The following MYF5 variants were observed in gnomAD, a reference collection of about 807,000 sequenced individuals.
The protein encoded by MYF5 is class C basic helix-loop-helix protein 2.
In MYF5, 20 loss-of-function variants were observed where a neutral mutation model predicts 22.3. The ratio of observed to expected loss-of-function variants is 0.90; its 90% CI spans 0.63 to 1.30. The LOEUF (loss-of-function observed/expected upper bound fraction) is 1.30. MYF5 is among the 50% of genes most tolerant of loss of function. The pLI, the probability that MYF5 is intolerant of heterozygous loss-of-function variation, is 0.00. For synonymous variants in MYF5, 141 were observed against 128.4 expected, an observed-to-expected ratio of 1.10 and a Z score of -0.66; for missense variants, 348 against 325.9, an observed-to-expected ratio of 1.07 and a Z score of -0.52.
chr12:80,717,513 A>C lies in MYF5; in HGVS notation c.450A>C (p.Gly150=). ...TGGAGAACTACTATAGCCTGCCGGGACAGAGCTGCTCGGAGCCCACCAGCC... is the reference window on the plus strand; with the variant it reads ...TGGAGAACTACTATAGCCTGCCGGGCCAGAGCTGCTCGGAGCCCACCAGCC... ...EQVENYYSLP[G]QSCSEPTSPT... The change falls in exon 1 of 3, where the codon GGA becomes GGC. Residue 150 remains glycine, a synonymous_variant. Coordinates refer to ENST00000228644, the MANE Select transcript of MYF5 (RefSeq NM_005593.3). The C allele has an allele frequency of 1.2e-6, 2 of 1,614,068 alleles. No individual in the cohort carries two copies. Among genetic ancestry groups the C allele is most frequent in the Non-Finnish European group, 1.7e-6 (2 of 1,180,018 alleles).
Position 80,719,473 on chromosome 12 carries a change from A to C in MYF5, c.*422A>C, listed in dbSNP as rs936871677. 1 of 151,920 alleles carries C rather than the reference A, an allele frequency of 6.6e-6. No individual in the cohort carries two copies. The highest frequency in any genetic ancestry group is 1.5e-5 in the Non-Finnish European group (1 of 67,962). 9.4% of individuals were successfully genotyped at this position (151,920 alleles called of 1,614,324 possible). A position where few individuals can be genotyped will look rare whatever the true frequency, so the allele number is the denominator to read the frequency against. ...GTTAAATGGAATTTTAAATATATTT[A>C]ACTATTTCTTTTCTCTTTAATCCTT... On this transcript the variant is annotated 3_prime_UTR_variant, in exon 3 of 3. Transcript: ENST00000228644.
In MYF5 at chr12:80,717,106, T is replaced by C. The variant is rs759444857; in HGVS notation, c.43T>C (p.Phe15Leu). The change falls in exon 1 of 3, where the codon TTC (phenylalanine) becomes CTC (leucine). Residue 15 changes from phenylalanine (F) to leucine (L), a missense_variant. Coordinates refer to ENST00000228644, the MANE Select transcript of MYF5 (RefSeq NM_005593.3). ...CTGCCAGTTCTCACCTTCTGAGTAC[T>C]TCTACGACGGCTCCTGCATACCGTC... is the stretch of plus-strand genomic sequence containing the variant. The part of the protein sequence containing the change: ...DGCQFSPSEY[F>L]YDGSCIPSPE... 35 of 1,611,922 alleles carry C rather than the reference T, an allele frequency of 2.2e-5. No individual in the cohort carries two copies. In the South Asian group the frequency reaches 3.7e-4, roughly 17 times the overall value.
In MYF5 at chr12:80,717,188, A is replaced by G; in HGVS notation, c.125A>G (p.His42Arg). The change falls in exon 1 of 3, where the codon CAC becomes CGC. Residue 42 changes from histidine (H) to arginine (R), a missense_variant. Transcript: ENST00000228644. Reference sequence around the variant, plus strand: ...CCGCGAGTGGCTGCCTTCGGAGCGCACAAAGCAGAGCTGCAGGGCTCAGAT... The same window carrying G: ...CCGCGAGTGGCTGCCTTCGGAGCGCGCAAAGCAGAGCTGCAGGGCTCAGAT... ...FVPRVAAFGA[H>R]KAELQGSDED... 6.2e-7 allele frequency: 1 copy of G among 1,614,018 alleles called. No homozygotes were observed. The highest frequency in any genetic ancestry group is 8.5e-7 in the Non-Finnish European group (1 of 1,179,996).
At position 80,717,035 on chromosome 12, in the gene MYF5, T is replaced by A; in HGVS notation, c.-29T>A. On this transcript the variant is annotated 5_prime_UTR_variant, in exon 1 of 3. Transcript: ENST00000228644. ...TTTCTCCCCATCCCTCTCGCTGCCG[T>A]CCAGGTGCACCGCCTGCCTCTCAGC... The A allele has an allele frequency of 6.4e-7, 1 of 1,571,406 alleles. No homozygotes were observed. The highest frequency in any genetic ancestry group is 8.6e-7 in the Non-Finnish European group (1 of 1,159,290).
chr12:80,718,520 G>A, intron 2 of MYF5, 87 bp downstream of exon 2: 1 of 1,182,318 alleles, frequency 8.5e-7, no homozygotes, highest in Non-Finnish European at 1.3e-6. Flanking sequence ...TGATAGTATT[G>A]GGGAAGGGAG....
intron 1 of MYF5, 101 bp from the exon 2 acceptor site, chr12:80,718,257 G>T: frequency 1.1e-6 from 1 of 916,656 alleles, no homozygotes. Context: ...GATTGACAGT[G>T]TTCGGTTACA....
chr12:80,718,247 G>T, intron 1 of MYF5, 111 bp from the exon 2 acceptor site: 2 of 850,786 alleles, frequency 2.4e-6, no homozygotes, highest in South Asian at 1.4e-5. Flanking sequence ...CAGTGAAGGT[G>T]ATTGACAGTG....
rs1386326579 is a variant in MYF5 at position 80,718,383 on chromosome 12, C to G, written c.527C>G (p.Ser176Cys). Reference protein sequence around the residue: ...GMPECNSPVWSRKSSTFDSIY... With the variant: ...GMPECNSPVWCRKSSTFDSIY... Reference sequence around the variant, plus strand: ...CCCGAATGTAACAGTCCTGTCTGGTCCAGAAAGAGCAGTACTTTTGACAGC... The same window carrying G: ...CCCGAATGTAACAGTCCTGTCTGGTGCAGAAAGAGCAGTACTTTTGACAGC... The change falls in exon 2 of 3, where the codon TCC becomes TGC. Residue 176 changes from serine to cysteine, a missense_variant. Ser to Cys is a moderately radical substitution (Grantham distance 112). Coordinates refer to ENST00000228644, the MANE Select transcript of MYF5 (RefSeq NM_005593.3). 6.2e-7 allele frequency: 1 copy of G among 1,613,888 alleles called. No homozygotes were observed. Among genetic ancestry groups the G allele is most frequent in the Non-Finnish European group, 8.5e-7 (1 of 1,179,918 alleles).
In MYF5 at chr12:80,717,229, C is replaced by A. The variant is rs755386072; in HGVS notation, c.166C>A (p.Arg56=). Reference sequence around the variant, plus strand: ...GGGCTCAGATGAGGACGAGCACGTGCGAGCGCCTACCGGCCACCACCAGGC... The same window carrying A: ...GGGCTCAGATGAGGACGAGCACGTGAGAGCGCCTACCGGCCACCACCAGGC... ...LQGSDEDEHV[R]APTGHHQAGH... is the part of the protein sequence containing the mutation. The change falls in exon 1 of 3, where the codon CGA becomes AGA. Residue 56 remains arginine, a synonymous_variant. Transcript: ENST00000228644. 3.7e-6 allele frequency: 6 copies of A among 1,614,004 alleles called. No individual in the cohort carries two copies. Among genetic ancestry groups the A allele is most frequent in the Middle Eastern group, 1.6e-4 (1 of 6,062 alleles).
At position 80,719,442 on chromosome 12, in the gene MYF5, G is replaced by T. The variant is rs1234099808; in HGVS notation, c.*391G>T. On this transcript the variant is annotated 3_prime_UTR_variant, in exon 3 of 3. Transcript: ENST00000228644. The stretch of plus-strand genomic sequence containing the variant: ...TTCTTTAAAACATTAAAACAGCTGA[G>T]AATCAGTTAAATGGAATTTTAAATA... 2 of 151,362 alleles carry T rather than the reference G, an allele frequency of 1.3e-5. No homozygotes were observed. Among genetic ancestry groups the T allele is most frequent in the Non-Finnish European group, 2.9e-5 (2 of 67,844 alleles). 9.4% of individuals were successfully genotyped at this position (151,362 alleles called of 1,614,324 possible). A position where few individuals can be genotyped will look rare whatever the true frequency, so the allele number is the denominator to read the frequency against.
At chr12:80,718,494 A>G (rs988699763) in intron 2 of MYF5, 61 bp downstream of exon 2, 6 of 1,375,706 alleles carry the variant, frequency 4.4e-6, no homozygotes, top group Admixed American at 3.4e-5. Flanking sequence ...TTCAGCCTAT[A>G]AGATTCTGTT....
intron 2 of MYF5, 60 bp downstream of exon 2, chr12:80,718,493 T>G: frequency 7.3e-7 from 1 of 1,361,018 alleles, no homozygotes; most frequent in East Asian, 2.3e-5. Flanking sequence ...ATTCAGCCTA[T>G]AAGATTCTGT....
Position 80,717,526 on chromosome 12 carries a change from G to C in MYF5, c.463G>C (p.Glu155Gln), listed in dbSNP as rs150596839. Residue 155 changes from glutamate (E) to glutamine (Q), a missense_variant, in exon 1 of 3, where the codon GAG becomes CAG. Physicochemically the swap from Glu to Gln is conservative, Grantham distance 29. Transcript: ENST00000228644. ...TAGCCTGCCGGGACAGAGCTGCTCG[G>C]AGCCCACCAGCCCCACCTCCAACTG... Reference protein sequence around the residue: ...YYSLPGQSCSEPTSPTSNCSD... With the variant: ...YYSLPGQSCSQPTSPTSNCSD... The C allele has an allele frequency of 6.8e-6, 11 of 1,613,942 alleles. No homozygotes were observed. The highest frequency in any genetic ancestry group is 1.6e-4 in the Middle Eastern group (1 of 6,084).
rs1287193798 is a variant in MYF5 at position 80,718,349 on chromosome 12, G to A, written c.502-9G>A. ...GAAAACAAACTTTGTTGTGTGTCTT[G>A]TATTATAGCCCGAATGTAACAGTCC... On this transcript the variant is annotated splice_polypyrimidine_tract_variant and intron_variant, in intron 1 of 2. Transcript: ENST00000228644. 1 of 1,613,330 alleles carries A rather than the reference G, an allele frequency of 6.2e-7. No individual in the cohort carries two copies. Among genetic ancestry groups the A allele is most frequent in the South Asian group, 1.1e-5 (1 of 91,062 alleles).
intron 2 of MYF5, among the ~76,000 whole-genome samples, 168 bp from the exon 3 acceptor site, chr12:80,718,693 C>A (rs922651278): frequency 6.6e-6 from 1 of 152,178 alleles, no homozygotes; most frequent in Admixed American, 6.5e-5. Flanking sequence ...CCCACGTCTA[C>A]CCCTCAGGAA....
chr12:80,718,478 T>A, intron 2 of MYF5, 45 bp downstream of exon 2: 1 of 1,443,888 alleles, frequency 6.9e-7, no homozygotes, highest in Non-Finnish European at 9.8e-7. Flanking sequence ...CAGTTCAACC[T>A]AACAATTCAG....
chr12:80,718,966 C>A lies in MYF5; in HGVS notation c.683C>A (p.Ala228Asp). ...EQPGLPLQDL[A>D]SLSPVASTDS... is the part of the protein sequence containing the mutation. ...CCTGGGTTGCCTCTCCAGGATCTGG[C>A]TTCTCTCTCTCCAGTTGCCAGCACC... The change falls in exon 3 of 3, where the codon GCT (alanine) becomes GAT (aspartate). Residue 228 changes from alanine (A) to aspartate (D), a missense_variant. Transcript: ENST00000228644. 6.2e-7 allele frequency: 1 copy of A among 1,614,154 alleles called. No individual in the cohort carries two copies. The highest frequency in any genetic ancestry group is 8.5e-7 in the Non-Finnish European group (1 of 1,180,020).
At chr12:80,718,262 G>C in intron 1 of MYF5, 96 bp from the exon 2 acceptor site, 1 of 975,358 alleles carries the variant, frequency 1.0e-6, no homozygotes, top group South Asian at 1.3e-5. Context: ...ACAGTGTTCG[G>C]TTACAGAGCT....
In MYF5 at chr12:80,717,031, G is replaced by A. The variant is rs1249147287; in HGVS notation, c.-33G>A. ...CCCGTTTCTCCCCATCCCTCTCGCTGCCGTCCAGGTGCACCGCCTGCCTCT... is the reference window on the plus strand; with the variant it reads ...CCCGTTTCTCCCCATCCCTCTCGCTACCGTCCAGGTGCACCGCCTGCCTCT... On this transcript the variant is annotated 5_prime_UTR_variant, in exon 1 of 3. Transcript: ENST00000228644. 1.3e-6 allele frequency: 2 copies of A among 1,566,498 alleles called. No homozygotes were observed. Among genetic ancestry groups the A allele is most frequent in the Middle Eastern group, 1.7e-4 (1 of 5,740 alleles).
Sources: gnomAD v4.1 joint callset for allele counts (sites outside exome capture counted in the v4.1 genomes callset) on GRCh38, gnomAD v4.1.1 for gene constraint, MANE v1.5 for transcripts, NCBI Gene and HGNC (gene_info 2026-07-23, HGNC 2026-07-21) for gene names.